The following PROSER1 variants were observed in gnomAD, a reference collection of about 807,000 sequenced individuals.
PROSER1 encodes proline and serine-rich protein 1.
Under a neutral mutation model 71.8 loss-of-function variants are expected in PROSER1, and 36 were observed. The ratio of observed to expected loss-of-function variants is 0.50; its 90% CI spans 0.38 to 0.66. The LOEUF is 0.66. PROSER1 is among the 30% of genes least tolerant of loss of function. The pLI is 0.00. For missense variants in PROSER1, 1,107 were observed against 1,135.0 expected (o/e 0.98, Z 0.35); for synonymous variants, 490 against 452.4 (o/e 1.08, Z -1.06).
At position 39,024,527 on chromosome 13, in the gene PROSER1, T is replaced by C; in HGVS notation, c.510A>G (p.Glu170=). The C allele has an allele frequency of 6.2e-7, 1 of 1,607,048 alleles. No homozygotes were observed. The highest frequency in any genetic ancestry group is 1.1e-5 in the South Asian group (1 of 90,040). The change falls in exon 7 of 13, where the codon GAA becomes GAG. Residue 170 remains glutamate (E), a synonymous_variant. Transcript: ENST00000352251. Reference sequence around the variant, plus strand: ...CTATTCCTTTGCCTTCGTTAGTACATTCTTCACCATCTTTTTTCAAAGGAG... The same window carrying C: ...CTATTCCTTTGCCTTCGTTAGTACACTCTTCACCATCTTTTTTCAAAGGAG... ...PGTPLKKDGE[E]CTNEGKGIAA...
At chr13:39,024,636 A>G (rs1870460205) in intron 6 of PROSER1, 80 bp from the exon 7 acceptor site, 1 of 980,134 alleles carries the variant, frequency 1.0e-6, no homozygotes, top group Non-Finnish European at 1.5e-6. Context: ...ACCTCACTGT[A>G]TTACACTGAA....
rs754693388 is a variant in PROSER1, at chr13:39,023,139, TG to T, written c.565-10del. The T allele has an allele frequency of 6.2e-7, 1 of 1,605,586 alleles. No homozygotes were observed. The highest frequency in any genetic ancestry group is 1.1e-5 in the South Asian group (1 of 90,836). On this transcript the variant is annotated splice_polypyrimidine_tract_variant and intron_variant, in intron 7 of 12. Coordinates refer to ENST00000352251, the MANE Select transcript of PROSER1 (RefSeq NM_025138.5). ...TTATATGTTGAAGGAGGCTAAAACA[TG>T]GGGGAAAATACAGCAGTTAGAAGAA...
At chr13:39,024,228 G>C (rs970749352) in intron 7 of PROSER1, among the ~76,000 whole-genome samples, 5 of 152,110 alleles carry the variant, frequency 3.3e-5, no homozygotes, top group African/African-American at 1.2e-4. Context: ...GCAGCTGAAT[G>C]CATCTCGAGA....
intron 6 of PROSER1, among the ~76,000 whole-genome samples, chr13:39,025,180 T>A (rs1457545406): frequency 1.3e-5 from 2 of 152,208 alleles, no homozygotes; most frequent in Admixed American, 6.5e-5. Flanking sequence ...AAAAATGGTG[T>A]TCTCTATAAA....
chr13:39,029,055 C>A, intron 4 of PROSER1: 1 of 327,930 alleles, frequency 3.0e-6, no homozygotes, highest in South Asian at 1.5e-4. Context: ...AACTGAAATA[C>A]AAAAAATCAA....
At chr13:39,033,869 C>T (rs1439286865) in intron 2 of PROSER1, among the ~76,000 whole-genome samples, 2 of 151,918 alleles carry the variant, frequency 1.3e-5, no homozygotes, top group Non-Finnish European at 2.9e-5. Flanking sequence ...GATATTGTGC[C>T]CAGAACCATA....
intron 11 of PROSER1, 171 bp from the exon 12 acceptor site, chr13:39,012,404 T>C (rs1174064244): frequency 1.4e-6 from 1 of 720,462 alleles, no homozygotes; most frequent in African/African-American, 1.8e-5. Context: ...TGAATCTTTC[T>C]ACTGTGAAGT....
chr13:39,031,751 T>G (rs1870856139), intron 2 of PROSER1, 120 bp from the exon 3 acceptor site: 13 of 761,834 alleles, frequency 1.7e-5, no homozygotes, highest in Non-Finnish European at 2.7e-5. Context: ...ACAGGTGGCA[T>G]TAAAGTTTAA....
chr13:39,033,180 A>G (rs1219977766), intron 2 of PROSER1, among the ~76,000 whole-genome samples: 5 of 152,258 alleles, frequency 3.3e-5, no homozygotes, highest in Non-Finnish European at 5.9e-5. Context: ...TTGGCCTCCC[A>G]AAGTGCTGGG....
chr13:39,035,315 T>C (rs1871045896), intron 1 of PROSER1, among the ~76,000 whole-genome samples: 1 of 152,180 alleles, frequency 6.6e-6, no homozygotes, highest in Non-Finnish European at 1.5e-5. Flanking sequence ...AATTCTTCCA[T>C]CAATGCCTGA....
chr13:39,036,726 T>A (rs745537317), intron 1 of PROSER1, among the ~76,000 whole-genome samples: 1 of 152,164 alleles, frequency 6.6e-6, no homozygotes, highest in Non-Finnish European at 1.5e-5. Flanking sequence ...ACACTTACCA[T>A]CAGGACACGA....
rs1325913679 is a variant in PROSER1, at chr13:39,013,689, T to C, written c.1563A>G (p.Pro521=). Residue 521 remains proline, a synonymous_variant, in exon 11 of 13, where the codon CCA becomes CCG. Transcript: ENST00000352251. ...SASAPNKCYA[P]SAIPTPQRTS... ...TCCTCTGTGGGGTAGGGATGGCTGA[T>C]GGGGCATAGCACTTGTTAGGGGCTG... 1 of 1,614,130 alleles carries C rather than the reference T, an allele frequency of 6.2e-7. No individual in the cohort carries two copies. The highest frequency in any genetic ancestry group is 8.5e-7 in the Non-Finnish European group (1 of 1,180,006).
intron 10 of PROSER1, among the ~76,000 whole-genome samples, 168 bp from the exon 11 acceptor site, chr13:39,014,644 CT>C (rs971226872): frequency 3.3e-5 from 5 of 152,140 alleles, no homozygotes; most frequent in African/African-American, 1.2e-4. Context: ...TTTCTCAGAT[CT>C]TTACTCTGGA....
chr13:39,030,506 A>G (rs1416761486), intron 3 of PROSER1, among the ~76,000 whole-genome samples: 1 of 152,172 alleles, frequency 6.6e-6, no homozygotes, highest in Non-Finnish European at 1.5e-5. Context: ...TGATAAAATA[A>G]AGCAAAGCCC....
rs41286141 is a variant in PROSER1, at chr13:39,012,104, C to T, written c.2691G>A (p.Ala897=). Residue 897 remains alanine, a synonymous_variant, in exon 12 of 13, where the codon GCG becomes GCA. Coordinates refer to ENST00000352251, the MANE Select transcript of PROSER1 (RefSeq NM_025138.5). ...SLQELQHNAA[A]QSALLQQVHS... ...TTACCTGCTGTAACAATGCTGACTG[C>T]GCAGCCGCATTATGCTGTAATTCTT... is the stretch of plus-strand genomic sequence containing the variant. The T allele has an allele frequency of 0.011, 18,174 of 1,613,868 alleles. 407 individuals are homozygous for T. The highest frequency in any genetic ancestry group is 0.091 in the African/African-American group (6,838 of 74,984).
intron 8 of PROSER1, chr13:39,022,759 C>T (rs576527628): frequency 1.0e-5 from 4 of 393,904 alleles, no homozygotes; most frequent in Middle Eastern, 7.1e-4. Context: ...TGCCTCTGAA[C>T]TACCAACTAC....
intron 9 of PROSER1, among the ~76,000 whole-genome samples, chr13:39,021,536 G>A (rs1227592213): frequency 1.3e-5 from 2 of 151,856 alleles, no homozygotes; most frequent in Admixed American, 1.3e-4. Context: ...AAAAATACCA[G>A]GCACCCCCTA....
At chr13:39,020,440 C>T (rs535507100) in intron 9 of PROSER1, among the ~76,000 whole-genome samples, 14 of 151,718 alleles carry the variant, frequency 9.2e-5, no homozygotes, top group South Asian at 2.1e-4. Flanking sequence ...AGATTTCTAA[C>T]GATAATAAAA....
At chr13:39,018,751 A>C (rs575378104) in intron 9 of PROSER1, among the ~76,000 whole-genome samples, 3 of 152,274 alleles carry the variant, frequency 2.0e-5, no homozygotes, top group Middle Eastern at 3.4e-3. Flanking sequence ...TAAGAGTAGC[A>C]GGAGGAGGGG....
Sources: gnomAD v4.1 joint callset for allele counts (sites outside exome capture counted in the v4.1 genomes callset) on GRCh38, gnomAD v4.1.1 for gene constraint, MANE v1.5 for transcripts, NCBI Gene and HGNC (gene_info 2026-07-23, HGNC 2026-07-21) for gene names.